SLC2A9: variants seen among roughly 807,000 people sequenced by gnomAD.
SLC2A9 encodes the protein solute carrier family 2, facilitated glucose transporter member 9.
Under a neutral mutation model 50.6 loss-of-function variants are expected in SLC2A9, and 39 were observed. The ratio of observed to expected loss-of-function variants is 0.77; its 90% confidence interval spans 0.60 to 1.01. The LOEUF (loss-of-function observed/expected upper bound fraction) is 1.01, where lower values mean the gene tolerates loss of function less well. Ranked by LOEUF, SLC2A9 falls within the 50% of genes least tolerant of loss-of-function variation. The pLI is 0.00. For missense variants in SLC2A9, 686 were observed against 677.6 expected (o/e 1.01, Z -0.14); for synonymous variants, 324 against 276.9 (o/e 1.17, Z -1.69).
At chr4:9,929,285 G>C (rs1157011486) in intron 6 of SLC2A9, among the ~76,000 whole-genome samples, 1 of 152,244 alleles carries the variant, frequency 6.6e-6, no homozygotes, top group Non-Finnish European at 1.5e-5. Flanking sequence ...TGAGACACAT[G>C]CTGGGTGTGG....
chr4:9,776,250 C>T (rs369741155), downstream of SLC2A9, among the ~76,000 whole-genome samples: 1 of 149,760 alleles, frequency 6.7e-6, no homozygotes, highest in African/African-American at 2.5e-5. Flanking sequence ...CCCAAAAGCA[C>T]AATAATTAAA....
intron 6 of SLC2A9, among the ~76,000 whole-genome samples, chr4:9,928,238 C>T (rs1745269607): frequency 6.6e-6 from 1 of 152,234 alleles, no homozygotes; most frequent in Non-Finnish European, 1.5e-5. Flanking sequence ...TGCTGCTAGC[C>T]TCAATGACCA....
chr4:9,949,361 G>A (rs1332302701), intron 5 of SLC2A9, among the ~76,000 whole-genome samples: 1 of 152,178 alleles, frequency 6.6e-6, no homozygotes, highest in African/African-American at 2.4e-5. Flanking sequence ...TGAAACGACA[G>A]ACACTCCTGC....
At chr4:9,805,411 G>A (rs973722162) in intron 3 of SLC2A9, among the ~76,000 whole-genome samples, 6 of 152,184 alleles carry the variant, frequency 3.9e-5, no homozygotes, top group African/African-American at 1.4e-4. Flanking sequence ...AACTCATCAA[G>A]GAAGTGTAAC....
At chr4:10,039,371 T>C (rs977044108) in intron 1 of SLC2A9, among the ~76,000 whole-genome samples, 1 of 152,168 alleles carries the variant, frequency 6.6e-6, no homozygotes, top group African/African-American at 2.4e-5. Context: ...TAGTGCAAGA[T>C]GGGACGTGAA....
chr4:9,933,419 C>G (rs966771483), intron 6 of SLC2A9, among the ~76,000 whole-genome samples: 5 of 152,146 alleles, frequency 3.3e-5, no homozygotes, highest in Non-Finnish European at 7.3e-5. Context: ...CTGCCCAACT[C>G]CTTTTGCTCT....
intron 3 of SLC2A9, among the ~76,000 whole-genome samples, chr4:9,784,449 G>A (rs111534452): frequency 6.6e-6 from 1 of 152,186 alleles, no homozygotes; most frequent in South Asian, 2.1e-4. Flanking sequence ...TTGAGAAATC[G>A]TGTTTTCTGA....
At chr4:9,958,065 G>A (rs1412708814) in intron 5 of SLC2A9, among the ~76,000 whole-genome samples, 1 of 152,138 alleles carries the variant, frequency 6.6e-6, no homozygotes, top group Non-Finnish European at 1.5e-5. Context: ...TCAAAAATAA[G>A]AAAGGCATCA....
chr4:9,987,393 T>C (rs1756913833), intron 3 of SLC2A9, among the ~76,000 whole-genome samples: 1 of 152,242 alleles, frequency 6.6e-6, no homozygotes, highest in South Asian at 2.1e-4. Flanking sequence ...GTGCTGGGAT[T>C]ACAGGCGTGA....
At chr4:9,970,218 C>A (rs930512506) in intron 5 of SLC2A9, among the ~76,000 whole-genome samples, 1 of 152,170 alleles carries the variant, frequency 6.6e-6, no homozygotes, top group Admixed American at 6.5e-5. Context: ...TGAGAAGGAG[C>A]AGCATCGGAC....
chr4:10,036,397 C>T (rs193298160), intron 1 of SLC2A9, among the ~76,000 whole-genome samples: 1 of 152,338 alleles, frequency 6.6e-6, no homozygotes, highest in East Asian at 1.9e-4. Flanking sequence ...GATCACAGTG[C>T]TGAAAGCGCA....
At chr4:9,948,409 C>T (rs113796673) in intron 5 of SLC2A9, among the ~76,000 whole-genome samples, 14 of 152,288 alleles carry the variant, frequency 9.2e-5, no homozygotes, top group East Asian at 3.9e-4. Context: ...AGCTATTTGA[C>T]GGCCACTGTC....
chr4:9,929,394 T>C (rs904524100), intron 6 of SLC2A9, among the ~76,000 whole-genome samples: 1 of 152,216 alleles, frequency 6.6e-6, no homozygotes, highest in African/African-American at 2.4e-5. Flanking sequence ...GAGCAGCACA[T>C]GGAATACCTC....
At chr4:9,779,158 C>T (rs1413979502), downstream of SLC2A9, among the ~76,000 whole-genome samples, 1 of 152,158 alleles carries the variant, frequency 6.6e-6, no homozygotes, top group Non-Finnish European at 1.5e-5. Flanking sequence ...GCCCAATATA[C>T]CAAAGCTAGT....
At chr4:9,801,686 A>G (rs375347273) in intron 3 of SLC2A9, among the ~76,000 whole-genome samples, 74 of 152,328 alleles carry the variant, frequency 4.9e-4, no homozygotes, top group Middle Eastern at 3.4e-3. Flanking sequence ...GGGCATTGAG[A>G]TGAAAAGCCA....
chr4:9,877,407 G>C (rs1734481431), intron 10 of SLC2A9, among the ~76,000 whole-genome samples: 1 of 152,212 alleles, frequency 6.6e-6, no homozygotes, highest in South Asian at 2.1e-4. Context: ...AGGAGATTCA[G>C]AGGCAGACAT....
At chr4:10,034,288 G>T (rs1764029037) in intron 1 of SLC2A9, 1 of 152,284 alleles carries the variant, frequency 6.6e-6, no homozygotes, top group African/African-American at 2.4e-5. Context: ...ACCCACGCAA[G>T]GAGCTGATGG....
chr4:9,785,397 T>G (rs1188258714), intron 3 of SLC2A9, among the ~76,000 whole-genome samples: 1 of 152,236 alleles, frequency 6.6e-6, no homozygotes, highest in Non-Finnish European at 1.5e-5. Context: ...GGGAGAAGAT[T>G]CTGTATCATT....
At chr4:9,781,755 G>C in intron 3 of SLC2A9, 1 of 382,800 alleles carries the variant, frequency 2.6e-6, no homozygotes, top group Non-Finnish European at 4.6e-6. Context: ...AGACTCCCGA[G>C]AACAGCCCTG....
Sources: gnomAD v4.1 joint callset for allele counts (sites outside exome capture counted in the v4.1 genomes callset) on GRCh38, gnomAD v4.1.1 for gene constraint, MANE v1.5 for transcripts, NCBI Gene and HGNC (gene_info 2026-07-23, HGNC 2026-07-21) for gene names.